DIPK2B: variants seen among roughly 807,000 people sequenced by gnomAD.
The protein encoded by DIPK2B is UPF0672 protein CXorf36.
A neutral mutation model predicts 22.2 loss-of-function variants in DIPK2B; 15 were observed. That is an observed-to-expected ratio of 0.68 (90% CI 0.45 to 1.04). DIPK2B has a LOEUF of 1.04. Ranked by LOEUF, DIPK2B falls within the 50% of genes least tolerant of loss-of-function variation. The pLI is 0.00. For missense variants in DIPK2B, 345 were observed against 348.3 expected, an observed-to-expected ratio of 0.99 and a Z score of 0.08; for synonymous variants, 163 against 153.2, an observed-to-expected ratio of 1.06 and a Z score of -0.47.
intron 2 of DIPK2B, among the ~76,000 whole-genome samples, chrX:45,178,379 G>A (rs2148344140): frequency 9.0e-6 from 1 of 111,180 alleles, no homozygotes; most frequent in Non-Finnish European, 1.9e-5. Context: ...GATAATTCTG[G>A]GATTTTTGGT....
At chrX:45,188,438 T>TAAC (rs2047195245) in intron 2 of DIPK2B, among the ~76,000 whole-genome samples, 2 of 112,224 alleles carry the variant, frequency 1.8e-5, no homozygotes, top group East Asian at 5.6e-4. Flanking sequence ...CTTAGAGGGC[T>TAAC]AACAGTGAAA....
chrX:45,152,955 C>A (rs2046969369), intron 4 of DIPK2B, among the ~76,000 whole-genome samples: 1 of 111,350 alleles, frequency 9.0e-6, no homozygotes, highest in African/African-American at 3.3e-5. Flanking sequence ...AAATGAAAAA[C>A]AAAATAAAAT....
intron 2 of DIPK2B, among the ~76,000 whole-genome samples, chrX:45,189,887 G>C (rs2047202337): frequency 8.9e-6 from 1 of 111,987 alleles, no homozygotes; most frequent in African/African-American, 3.2e-5. Flanking sequence ...CTATGGTGGA[G>C]ATGAAAAGGT....
At position 45,149,789 on chromosome X, in the gene DIPK2B, T is replaced by C. The variant is rs1166492186; in HGVS notation, c.*1863A>G. 8.9e-6 allele frequency: 1 copy of C among 112,614 alleles called. No individual in the cohort carries two copies. 9.3% of individuals were successfully genotyped at this position (112,614 alleles called of 1,213,427 possible). ...TCACTGGGGCTCAGCTTGCAGGGGT[T>C]CTAGAAATATCTCCACAGATCGCTC... On this transcript the variant is annotated 3_prime_UTR_variant, in exon 5 of 5. Coordinates refer to ENST00000398000, the MANE Select transcript of DIPK2B (RefSeq NM_176819.4).
At chrX:45,154,687 A>G (rs1004141246) in intron 3 of DIPK2B, among the ~76,000 whole-genome samples, 6 of 112,303 alleles carry the variant, frequency 5.3e-5, no homozygotes, top group Non-Finnish European at 1.1e-4. Flanking sequence ...ATTCAGGGAA[A>G]TATGTTTAAG....
chrX:45,187,926 C>T (rs961277282), intron 2 of DIPK2B, among the ~76,000 whole-genome samples: 6 of 111,167 alleles, frequency 5.4e-5, no homozygotes, highest in Non-Finnish European at 1.1e-4. Flanking sequence ...AAGGCTCTGG[C>T]TTAGATCCCA....
intron 2 of DIPK2B, among the ~76,000 whole-genome samples, chrX:45,173,144 T>C (rs1375592379): frequency 1.8e-5 from 2 of 112,137 alleles, no homozygotes; most frequent in Non-Finnish European, 3.8e-5. Flanking sequence ...TATACAGTCA[T>C]GGGAGCTAGC....
chrX:45,184,836 G>C (rs2047173067), intron 2 of DIPK2B, among the ~76,000 whole-genome samples: 1 of 112,167 alleles, frequency 8.9e-6, no homozygotes, highest in African/African-American at 3.2e-5. Context: ...GGGAAATATA[G>C]AGTTTTCATC....
chrX:45,167,526 A>G (rs1381712602), intron 2 of DIPK2B, among the ~76,000 whole-genome samples: 2 of 107,565 alleles, frequency 1.9e-5, no homozygotes, highest in Non-Finnish European at 1.9e-5. Flanking sequence ...AAAAGAGGAG[A>G]AACATCTCAC....
Position 45,191,721 on chromosome X carries a change from A to T in DIPK2B, c.498+30T>A, listed in dbSNP as rs375854385. The T allele has an allele frequency of 7.6e-6, 9 of 1,190,889 alleles. No homozygotes were observed. The African/African-American group carries it at 1.6e-4, about 21-fold the overall frequency. ...CTCTCTCTTTCTCATCATCCCCTTC[A>T]CACCCCCTTCCCATGGCCTTCACAC... is the stretch of plus-strand genomic sequence containing the variant. On this transcript the variant is annotated intron_variant, in intron 2 of 4. Coordinates refer to ENST00000398000, the MANE Select transcript of DIPK2B (RefSeq NM_176819.4).
At chrX:45,182,156 A>T (rs1264105142) in intron 2 of DIPK2B, among the ~76,000 whole-genome samples, 1 of 111,440 alleles carries the variant, frequency 9.0e-6, no homozygotes, top group African/African-American at 3.3e-5. Flanking sequence ...ACAGCTCACA[A>T]AGAGCTTGTA....
chrX:45,190,234 A>G (rs1209355688), intron 2 of DIPK2B, among the ~76,000 whole-genome samples: 1 of 112,042 alleles, frequency 8.9e-6, no homozygotes, highest in Non-Finnish European at 1.9e-5. Flanking sequence ...ACCGCTCCTG[A>G]TGAGTAGTAG....
intron 2 of DIPK2B, among the ~76,000 whole-genome samples, chrX:45,173,981 C>T (rs1010317228): frequency 4.5e-5 from 5 of 110,959 alleles, no homozygotes; most frequent in South Asian, 3.9e-4. Flanking sequence ...GTCCTTTCTG[C>T]GGTAGAAGGA....
In DIPK2B at chrX:45,200,581, T is replaced by C; in HGVS notation, c.233+13A>G. Reference sequence around the variant, plus strand: ...AATTTTGTGATTCAGAGTTATTTGATTGATATTCTGACCTTATTTCTTCTT... The same window carrying C: ...AATTTTGTGATTCAGAGTTATTTGACTGATATTCTGACCTTATTTCTTCTT... On this transcript the variant is annotated intron_variant, in intron 1 of 4. Coordinates refer to ENST00000398000, the MANE Select transcript of DIPK2B (RefSeq NM_176819.4). 2 of 1,183,239 alleles carry C rather than the reference T, an allele frequency of 1.7e-6. No individual in the cohort carries two copies.
intron 2 of DIPK2B, chrX:45,163,507 G>A: frequency 1.3e-6 from 1 of 754,003 alleles, no homozygotes; most frequent in Non-Finnish European, 1.6e-6. Flanking sequence ...CTTCCCCAAG[G>A]AGTCATTTGA....
rs371649095 is a variant in DIPK2B, at chrX:45,151,700, G to A, written c.1254C>T (p.Ser418=). Residue 418 remains serine, a synonymous_variant, in exon 5 of 5, where the codon TCC becomes TCT. Coordinates refer to ENST00000398000, the MANE Select transcript of DIPK2B (RefSeq NM_176819.4). The part of the protein sequence containing the change: ...DILRPLRTCD[S]RFAYRYPDCK... The stretch of plus-strand genomic sequence containing the variant: ...AATCTGGGTAACGATAGGCAAATCT[G>A]GAGTCACACGTTCTCAGGGGCCTCA... The A allele has an allele frequency of 2.2e-4, 270 of 1,210,666 alleles. No homozygotes were observed. In the South Asian group the frequency reaches 3.0e-3, roughly 14 times the overall value.
intron 2 of DIPK2B, among the ~76,000 whole-genome samples, chrX:45,166,194 T>C (rs757275380): frequency 1.8e-5 from 2 of 111,497 alleles, no homozygotes; most frequent in Non-Finnish European, 3.8e-5. Context: ...GTGAGGGTGA[T>C]TGGGGGCCCA....
At chrX:45,163,787 T>C (rs2047033961) in intron 2 of DIPK2B, 2 of 768,782 alleles carry the variant, frequency 2.6e-6, no homozygotes, top group South Asian at 1.3e-4. Flanking sequence ...TTAGAAGTTA[T>C]GTGGGCCTTT....
chrX:45,166,432 G>A (rs2047049341), intron 2 of DIPK2B, among the ~76,000 whole-genome samples: 1 of 111,137 alleles, frequency 9.0e-6, no homozygotes, highest in Non-Finnish European at 1.9e-5. Flanking sequence ...CAGCGGGTTA[G>A]GATTGGATGT....
Sources: gnomAD v4.1 joint callset for allele counts (sites outside exome capture counted in the v4.1 genomes callset) on GRCh38, gnomAD v4.1.1 for gene constraint, MANE v1.5 for transcripts, NCBI Gene and HGNC (gene_info 2026-07-23, HGNC 2026-07-21) for gene names.